The following ARHGAP26 variants were observed in gnomAD, a reference collection of about 807,000 sequenced individuals.
ARHGAP26 encodes Rho GTPase activating protein 26, also known as rho GTPase-activating protein 26.
A neutral mutation model predicts 104.8 loss-of-function variants in ARHGAP26; 38 were observed. The observed-to-expected ratio is 0.36, with a 90% CI of 0.28 to 0.48. The LOEUF (loss-of-function observed/expected upper bound fraction) is 0.48, where lower values mean the gene tolerates loss of function less well. ARHGAP26 is among the 20% of genes least tolerant of loss of function. The pLI is 0.99. For missense variants in ARHGAP26, 704 were observed against 947.9 expected (o/e 0.74, Z 3.38); for synonymous variants, 341 against 340.0 (o/e 1.00, Z -0.03).
At chr5:143,165,044 G>A (rs1204570476) in intron 20 of ARHGAP26, 3 of 152,246 alleles carry the variant, frequency 2.0e-5, no homozygotes, top group African/African-American at 7.2e-5. Flanking sequence ...TAGTAAGTAA[G>A]AGAAAGAAAA....
chr5:143,009,392 G>GT, intron 11 of ARHGAP26, among the ~76,000 whole-genome samples: 1 of 152,278 alleles, frequency 6.6e-6, no homozygotes, highest in South Asian at 2.1e-4. Context: ...GAGACAGACC[G>GT]TGGGAGTTCC....
rs142407247 is a variant in ARHGAP26 at position 142,991,914 on chromosome 5, G to T, written c.1108-22166G>T. On this transcript the variant is annotated intron_variant, in intron 11 of 22. Coordinates refer to ENST00000645722, the MANE Select transcript of ARHGAP26 (RefSeq NM_001135608.3). ...ATCTTTGAAGCTTGCTCTTCATGAA[G>T]ACTGTGCCAATTTATACTTCCATGA... Among the ~76,000 whole-genome samples the T allele has an allele frequency of 3.4e-4, 52 of 152,320 alleles. 2 individuals carry two copies. The East Asian group carries it at 9.3e-3, about 27-fold the overall frequency.
At chr5:142,979,644 A>T (rs1773636075) in intron 11 of ARHGAP26, among the ~76,000 whole-genome samples, 1 of 152,376 alleles carries the variant, frequency 6.6e-6, no homozygotes, top group Middle Eastern at 3.4e-3. Flanking sequence ...CAATCAAGGA[A>T]AAAGGAAAAT....
In ARHGAP26 at chr5:143,079,218, A is replaced by G. The variant is rs187590107; in HGVS notation, c.1538+21471A>G. Among the ~76,000 whole-genome samples the G allele has an allele frequency of 9.4e-3, 1,432 of 152,360 alleles. 19 individuals carry two copies. The highest frequency in any genetic ancestry group is 0.013 in the Non-Finnish European group (904 of 68,026). ...AGGGATGGGAGGGCACAAAGGATCT[A>G]TAGAGTTGGGCAACCAAACAAGTTA... is the stretch of plus-strand genomic sequence containing the variant. On this transcript the variant is annotated intron_variant, in intron 17 of 22. Coordinates refer to ENST00000645722, the MANE Select transcript of ARHGAP26 (RefSeq NM_001135608.3).
At chr5:143,012,086 T>C (rs775029491) in intron 11 of ARHGAP26, among the ~76,000 whole-genome samples, 2 of 152,188 alleles carry the variant, frequency 1.3e-5, no homozygotes, top group Non-Finnish European at 2.9e-5. Flanking sequence ...ATCTTTTGAC[T>C]CCTTATCTCT....
intron 17 of ARHGAP26, among the ~76,000 whole-genome samples, chr5:143,113,166 T>C (rs980235976): frequency 6.6e-6 from 1 of 152,232 alleles, no homozygotes; most frequent in African/African-American, 2.4e-5. Flanking sequence ...GATTTTAGAA[T>C]ACCTCTGCGT....
chr5:142,982,632 A>G (rs1774106189), intron 11 of ARHGAP26, among the ~76,000 whole-genome samples: 1 of 152,226 alleles, frequency 6.6e-6, no homozygotes, highest in East Asian at 1.9e-4. Context: ...TCGCTATTTT[A>G]TCTGCCCAGT....
chr5:142,822,340 T>C (rs1367795312), intron 1 of ARHGAP26, among the ~76,000 whole-genome samples: 3 of 152,192 alleles, frequency 2.0e-5, no homozygotes, highest in Non-Finnish European at 4.4e-5. Flanking sequence ...CATGCTGGGC[T>C]CTGTTAATCT....
intron 17 of ARHGAP26, among the ~76,000 whole-genome samples, chr5:143,074,413 C>G (rs1386468702): frequency 6.6e-6 from 1 of 152,152 alleles, no homozygotes; most frequent in African/African-American, 2.4e-5. Flanking sequence ...TCTCTCTGCC[C>G]AGGTCTGCTA....
chr5:143,119,373 A>T (rs767902444), intron 17 of ARHGAP26, among the ~76,000 whole-genome samples: 26 of 152,218 alleles, frequency 1.7e-4, no homozygotes, highest in Non-Finnish European at 3.4e-4. Context: ...AAGTATAAGG[A>T]CATAGAATTT....
intron 5 of ARHGAP26, among the ~76,000 whole-genome samples, chr5:142,887,989 A>C (rs1757964912): frequency 6.6e-6 from 1 of 152,142 alleles, no homozygotes; most frequent in South Asian, 2.1e-4. Flanking sequence ...ACCAAACATC[A>C]AAAAACAAAC....
At chr5:142,930,044 C>G (rs905186462) in intron 10 of ARHGAP26, among the ~76,000 whole-genome samples, 15 of 152,066 alleles carry the variant, frequency 9.9e-5, no homozygotes, top group African/African-American at 3.4e-4. Flanking sequence ...CAGCCCAGTT[C>G]AGATTGAGTA....
chr5:143,222,283 ACCC>A lies in ARHGAP26; in HGVS notation c.2192-73_2192-71del. The A allele has an allele frequency of 2.0e-5, 17 of 861,540 alleles. No homozygotes were observed. In the South Asian group the frequency reaches 2.5e-4, roughly 13 times the overall value. 53.4% of individuals were successfully genotyped at this position (861,540 alleles called of 1,614,324 possible). ...CACACACACACACACACACACACAC[ACCC>A]CACACACACATCTGCCGCCTGCTCT... On this transcript the variant is annotated intron_variant, in intron 22 of 22. Coordinates refer to ENST00000645722, the MANE Select transcript of ARHGAP26 (RefSeq NM_001135608.3).
intron 20 of ARHGAP26, among the ~76,000 whole-genome samples, chr5:143,164,256 G>T (rs1227689004): frequency 6.6e-6 from 1 of 152,106 alleles, no homozygotes; most frequent in Non-Finnish European, 1.5e-5. Context: ...ATGTAACCAG[G>T]AAAAAATAAG....
At chr5:142,828,659 C>T (rs1454025378) in intron 1 of ARHGAP26, among the ~76,000 whole-genome samples, 1 of 152,172 alleles carries the variant, frequency 6.6e-6, no homozygotes, top group Non-Finnish European at 1.5e-5. Flanking sequence ...AGGCATCAAC[C>T]ATGTGCAGGG....
rs185322998 is a variant in ARHGAP26 at position 143,178,402 on chromosome 5, G to C, written c.1989-28796G>C. ...ATCAGTACCCAGAAGAAGGAGCATT[G>C]TGTTCATTGTATGAGGGTGACAACT... On this transcript the variant is annotated intron_variant, in intron 20 of 22. Transcript: ENST00000645722. Among the ~76,000 whole-genome samples, 7 of 152,324 alleles carry C rather than the reference G, an allele frequency of 4.6e-5. No individual in the cohort carries two copies. In the East Asian group the frequency reaches 1.4e-3, roughly 29 times the overall value.
intron 17 of ARHGAP26, among the ~76,000 whole-genome samples, chr5:143,087,441 A>T (rs1790745137): frequency 6.6e-6 from 1 of 151,884 alleles, no homozygotes; most frequent in Non-Finnish European, 1.5e-5. Context: ...GTCCCTCCTA[A>T]CCCTTTTGTT....
At chr5:142,939,491 C>T (rs561613995) in intron 11 of ARHGAP26, among the ~76,000 whole-genome samples, 1 of 152,288 alleles carries the variant, frequency 6.6e-6, no homozygotes, top group Non-Finnish European at 1.5e-5. Context: ...CTTTCTCTAC[C>T]GTGCCCGAGC....
At chr5:142,926,954 GC>G (rs2152520009) in intron 10 of ARHGAP26, among the ~76,000 whole-genome samples, 1 of 152,234 alleles carries the variant, frequency 6.6e-6, no homozygotes, top group Non-Finnish European at 1.5e-5. Flanking sequence ...TTCCCAGCAT[GC>G]CCTGAGGTGT....
Sources: allele counts gnomAD v4.1 joint callset (sites outside exome capture counted in the v4.1 genomes callset), GRCh38; gene constraint gnomAD v4.1.1; transcripts MANE v1.5; gene names NCBI Gene and HGNC (gene_info 2026-07-23, HGNC 2026-07-21).